Variants in FXYD7 observed in about 807,000 individuals in gnomAD.
FXYD7 encodes the protein FXYD domain-containing ion transport regulator 7.
A neutral mutation model predicts 15.3 loss-of-function variants in FXYD7; 7 were observed. The ratio of observed to expected loss-of-function variants is 0.46; its 90% CI spans 0.26 to 0.86. The LOEUF (loss-of-function observed/expected upper bound fraction) is 0.86. Among genes scored for constraint, FXYD7 ranks in the 40% least tolerant of loss-of-function variants. The pLI is 0.16. For synonymous variants in FXYD7, 39 were observed against 39.3 expected, an observed-to-expected ratio of 0.99 and a Z score of 0.03; for missense variants, 78 against 100.6, an observed-to-expected ratio of 0.78 and a Z score of 0.96.
rs2065308819 is a variant in FXYD7, at chr19:35,151,300, G to T, written c.108G>T (p.Leu36Phe). 1.2e-6 allele frequency: 2 copies of T among 1,610,858 alleles called. No homozygotes were observed. The highest frequency in any genetic ancestry group is 1.7e-5 in the Admixed American group (1 of 60,030). Residue 36 changes from leucine to phenylalanine, a missense_variant, in exon 3 of 6, where the codon TTG becomes TTT. Transcript: ENST00000270310. ...TGGGCATGACTCTGGCAACCATCTT[G>T]TTCCTGCTGGGTATCCTCATCGTCA... ...QTVGMTLATI[L>F]FLLGILIVIS...
At chr19:35,152,175 G>GAAAAAAAAA (rs2065313640) in intron 5 of FXYD7, among the ~76,000 whole-genome samples, 1 of 134,728 alleles carries the variant, frequency 7.4e-6, no homozygotes, top group African/African-American at 2.7e-5. Context: ...AGAAATGAAG[G>GAAAAAAAAA]AAGGAAGGGA....
chr19:35,148,083 G>GAAAGAAAGA (rs1319771038), intron 1 of FXYD7, among the ~76,000 whole-genome samples: 1 of 123,882 alleles, frequency 8.1e-6, no homozygotes, highest in Non-Finnish European at 1.6e-5. Context: ...AAGAAAGAAA[G>GAAAGAAAGA]AAAGAAAGAA....
At chr19:35,146,800 T>A (rs1370946794) in intron 1 of FXYD7, among the ~76,000 whole-genome samples, 4 of 152,198 alleles carry the variant, frequency 2.6e-5, no homozygotes, top group Non-Finnish European at 5.9e-5. Context: ...GTGGTAAAGA[T>A]ACCTCAGCAC....
At chr19:35,145,704 G>A (rs564711139) in intron 1 of FXYD7, among the ~76,000 whole-genome samples, 33 of 152,312 alleles carry the variant, frequency 2.2e-4, no homozygotes, top group Admixed American at 4.6e-4. Flanking sequence ...GAGTACTACC[G>A]TCACAATTTT....
chr19:35,153,393 G>A (rs73588885), intron 5 of FXYD7, among the ~76,000 whole-genome samples: 7,825 of 152,176 alleles, frequency 0.051, 615 homozygotes, highest in African/African-American at 0.17. Flanking sequence ...TTTAAAACAT[G>A]AACAAGGCAC....
In FXYD7 at chr19:35,149,400, T is replaced by C. The variant is rs115073897; in HGVS notation, c.61+677T>C. On this transcript the variant is annotated intron_variant, in intron 2 of 5. Transcript: ENST00000270310. ...CACGACCGGCTAAGGCTCCCCCTTA[T>C]TCAGGCCTCAGATCAAACATAGACT... 477 of 247,014 alleles carry C rather than the reference T, an allele frequency of 1.9e-3. 1 individual carries two copies. The highest frequency in any genetic ancestry group is 9.9e-3 in the African/African-American group (449 of 45,518). 15.3% of individuals were successfully genotyped at this position (247,014 alleles called of 1,614,324 possible).
chr19:35,150,560 C>T (rs916958379), intron 2 of FXYD7, among the ~76,000 whole-genome samples: 24 of 152,158 alleles, frequency 1.6e-4, no homozygotes, highest in African/African-American at 5.6e-4. Context: ...AAAGCCCAGA[C>T]ACTGGTGAGG....
At chr19:35,152,478 A>G (rs999174262) in intron 5 of FXYD7, among the ~76,000 whole-genome samples, 38 of 149,314 alleles carry the variant, frequency 2.5e-4, no homozygotes, top group African/African-American at 9.4e-4. Context: ...GAAGCGGGAC[A>G]GAGGGAGGGA....
Position 35,151,749 on chromosome 19 carries a change from C to T in FXYD7, c.220+76C>T, listed in dbSNP as rs111645945. ...AAGGGAACCCTCAGAAGGGAAGTCGCGGGGATGGACTGGACGCAGGGGGCG... is the reference window on the plus strand; with the variant it reads ...AAGGGAACCCTCAGAAGGGAAGTCGTGGGGATGGACTGGACGCAGGGGGCG... On this transcript the variant is annotated intron_variant, in intron 5 of 5. Coordinates refer to ENST00000270310, the MANE Select transcript of FXYD7 (RefSeq NM_022006.2). The T allele has an allele frequency of 2.1e-3, 1,223 of 574,982 alleles. 40 individuals carry two copies. In the East Asian group the frequency reaches 0.052, roughly 25 times the overall value. 35.6% of individuals were successfully genotyped at this position (574,982 alleles called of 1,614,324 possible).
chr19:35,153,033 C>CT (rs954084904), intron 5 of FXYD7, among the ~76,000 whole-genome samples: 5,858 of 44,066 alleles, frequency 0.13, 2,003 homozygotes, highest in Non-Finnish European at 0.17. Context: ...TTTCACGTTC[C>CT]TTTTTTTTTT....
rs980544967 is a variant in FXYD7 at position 35,153,816 on chromosome 19, G to A, written c.221-78G>A. The A allele has an allele frequency of 2.2e-6, 3 of 1,364,760 alleles. No individual in the cohort carries two copies. In the Admixed American group the frequency reaches 5.1e-5, roughly 23 times the overall value. The allele number at this position is 1,364,760 out of a possible 1,614,324, so 84.5% of individuals were successfully genotyped here. A position where few individuals can be genotyped will look rare whatever the true frequency, so the allele number is the denominator to read the frequency against. On this transcript the variant is annotated intron_variant, in intron 5 of 5. Transcript: ENST00000270310. ...GGGGTCTGGCTTCCATGGTGCCGGG[G>A]AATGGAGAGCCAACGAGCTGTGGGG...
rs928288059 is a variant in FXYD7, at chr19:35,143,383, G to A, written c.31+19G>A. 4.0e-6 allele frequency: 6 copies of A among 1,494,182 alleles called. No individual in the cohort carries two copies. Among genetic ancestry groups the A allele is most frequent in the Non-Finnish European group, 5.4e-6 (6 of 1,120,948 alleles). 92.6% of individuals were successfully genotyped at this position (1,494,182 alleles called of 1,614,324 possible). ...ACAAAGGGTGAGCGTCGTTTGGGGA[G>A]GGGGTTGCAGGGGGGCTCCGGGATC... On this transcript the variant is annotated intron_variant, in intron 1 of 5. Transcript: ENST00000270310. This position sits in a 1 kb window ranked among gnomAD's most constrained non-coding sequence, Gnocchi z 4.3.
At position 35,143,557 on chromosome 19, in the gene FXYD7, G is replaced by T. The variant is rs1019417013; in HGVS notation, c.31+193G>T. On this transcript the variant is annotated intron_variant, in intron 1 of 5. Transcript: ENST00000270310. This position sits in a 1 kb window ranked among gnomAD's most constrained non-coding sequence, Gnocchi z 4.3. ...CGGGTCTCTGGGACACCCCCTCCCCGGCAGGCGTCCTGTGCCAGACCTGCG... is the reference window on the plus strand; with the variant it reads ...CGGGTCTCTGGGACACCCCCTCCCCTGCAGGCGTCCTGTGCCAGACCTGCG... Among the ~76,000 whole-genome samples the T allele has an allele frequency of 6.6e-6, 1 of 152,224 alleles. No individual in the cohort carries two copies. The highest frequency in any genetic ancestry group is 1.5e-5 in the Non-Finnish European group (1 of 68,038).
intron 1 of FXYD7, among the ~76,000 whole-genome samples, chr19:35,146,996 G>A (rs942717618): frequency 3.3e-5 from 5 of 152,194 alleles, no homozygotes; most frequent in African/African-American, 1.2e-4. Context: ...AGAGTATGCT[G>A]TGGTAACAAA....
rs954084904 is a variant in FXYD7, at chr19:35,153,033, C to CTTTTTTTTTT, written c.221-841_221-832dup. Among the ~76,000 whole-genome samples, 33 of 44,136 alleles carry CTTTTTTTTTT rather than the reference C, an allele frequency of 7.5e-4. 7 individuals carry two copies. Among genetic ancestry groups the CTTTTTTTTTT allele is most frequent in the African/African-American group, 3.0e-3 (29 of 9,630 alleles). The allele number at this position is 44,136 out of a possible 152,430, so 29.0% of individuals were successfully genotyped here. A position where few individuals can be genotyped will look rare whatever the true frequency, so the allele number is the denominator to read the frequency against. On this transcript the variant is annotated intron_variant, in intron 5 of 5. Transcript: ENST00000270310. ...TTGGTGTGGAATTTGTTTCACGTTC[C>CTTTTTTTTTT]TTTTTTTTTTTTTTTTTTTTTTTTT... is the stretch of plus-strand genomic sequence containing the variant.
intron 5 of FXYD7, among the ~76,000 whole-genome samples, chr19:35,153,399 G>A (rs952867611): frequency 1.3e-5 from 2 of 152,166 alleles, no homozygotes; most frequent in African/African-American, 4.8e-5. Context: ...ACATGAACAA[G>A]GCACTTATGG....
At chr19:35,146,497 T>C (rs1180747382) in intron 1 of FXYD7, among the ~76,000 whole-genome samples, 2 of 152,212 alleles carry the variant, frequency 1.3e-5, no homozygotes, top group Non-Finnish European at 2.9e-5. Flanking sequence ...CTGAAGCAGG[T>C]GATTTCGCTT....
At chr19:35,146,165 T>A (rs893112576) in intron 1 of FXYD7, among the ~76,000 whole-genome samples, 1 of 151,322 alleles carries the variant, frequency 6.6e-6, no homozygotes, top group Non-Finnish European at 1.5e-5. Flanking sequence ...TGAGACAGAG[T>A]CTCGCTCTGT....
intron 1 of FXYD7, among the ~76,000 whole-genome samples, chr19:35,144,566 G>T (rs1450196738): frequency 1.3e-5 from 2 of 151,850 alleles, no homozygotes; most frequent in African/African-American, 4.8e-5. Flanking sequence ...CCACTTGGAT[G>T]GCTCCCTCCC....
Sources: allele counts gnomAD v4.1 joint callset (sites outside exome capture counted in the v4.1 genomes callset), GRCh38; gene constraint gnomAD v4.1.1; non-coding constraint Gnocchi (gnomAD v3.1); transcripts MANE v1.5; gene names NCBI Gene and HGNC (gene_info 2026-07-23, HGNC 2026-07-21).